Variants in TENM2 observed in about 807,000 individuals in gnomAD.
TENM2 encodes teneurin-2.
A neutral mutation model predicts 245.2 loss-of-function variants in TENM2; 52 were observed. That is an observed-to-expected ratio of 0.21 (90% CI 0.17 to 0.27). The LOEUF is 0.27. TENM2 is among the 10% of genes least tolerant of loss of function. The probability of loss-of-function intolerance (pLI) is 1.00; values close to 1 mark genes in which losing one functional copy is unlikely to be tolerated. For missense variants in TENM2, 3,046 were observed against 3,666.8 expected (o/e 0.83, Z 4.37); for synonymous variants, 1,363 against 1,438.9 (o/e 0.95, Z 1.19).
intron 4 of TENM2, among the ~76,000 whole-genome samples, chr5:167,991,674 T>C (rs1031845247): frequency 6.6e-6 from 1 of 152,228 alleles, no homozygotes. Context: ...ACCACAGCTC[T>C]GGCTAACACG....
intron 25 of TENM2, among the ~76,000 whole-genome samples, chr5:168,237,914 G>A (rs187396445): frequency 1.5e-4 from 22 of 151,606 alleles, no homozygotes; most frequent in Admixed American, 4.6e-4. Context: ...AGGCCAAGGC[G>A]GGCAGATCAC....
At chr5:167,300,410 G>A (rs1433457194) in intron 1 of TENM2, among the ~76,000 whole-genome samples, 1 of 152,104 alleles carries the variant, frequency 6.6e-6, no homozygotes, top group Non-Finnish European at 1.5e-5. Flanking sequence ...GTAGAGGGAG[G>A]TATTGAGGAT....
chr5:167,456,180 C>T (rs1426364883), intron 2 of TENM2, among the ~76,000 whole-genome samples: 2 of 152,102 alleles, frequency 1.3e-5, no homozygotes, highest in East Asian at 1.9e-4. Context: ...GAACAGGACA[C>T]ATCCTTGGAA....
chr5:168,107,525 C>T (rs10067987), intron 9 of TENM2, among the ~76,000 whole-genome samples: 33,417 of 148,626 alleles, frequency 0.22, 3,935 homozygotes, highest in Non-Finnish European at 0.24. Context: ...TGGTGTGCAG[C>T]TCAGGAAGAC....
chr5:167,073,505 A>G, the TENM2 span, among the ~76,000 whole-genome samples: 2 of 152,146 alleles, frequency 1.3e-5, no homozygotes, highest in African/African-American at 2.4e-5. Context: ...GGACAAAAGT[A>G]ATTTGTACTG....
chr5:167,908,420 T>C (rs1776276734), intron 3 of TENM2, among the ~76,000 whole-genome samples: 1 of 83,334 alleles, frequency 1.2e-5, no homozygotes, highest in African/African-American at 4.9e-5. Context: ...TACCCTCTCT[T>C]CTCCTCTCTC....
chr5:167,375,556 C>G (rs1252742942), intron 2 of TENM2, 83 bp downstream of exon 4: 1 of 1,382,190 alleles, frequency 7.2e-7, no homozygotes, highest in Non-Finnish European at 9.9e-7. Context: ...TTTAATGAAG[C>G]GGCGTCATAA....
intron 2 of TENM2, among the ~76,000 whole-genome samples, chr5:167,562,288 G>A (rs1254766370): frequency 1.3e-5 from 2 of 152,000 alleles, no homozygotes; most frequent in African/African-American, 4.8e-5. Flanking sequence ...CCACACAAGA[G>A]AATCTAGTTG....
chr5:167,696,916 A>C (rs550437887), intron 2 of TENM2, among the ~76,000 whole-genome samples: 2 of 152,090 alleles, frequency 1.3e-5, no homozygotes, highest in African/African-American at 4.8e-5. Flanking sequence ...TTGCTTAAAA[A>C]CCTCAAGAAG....
intron 5 of TENM2, chr5:168,033,165 A>G (rs1418627459): frequency 6.6e-6 from 1 of 152,228 alleles, no homozygotes; most frequent in Non-Finnish European, 1.5e-5. Flanking sequence ...GTCTACTATA[A>G]GTCTTTGTCC....
intron 25 of TENM2, among the ~76,000 whole-genome samples, chr5:168,241,278 C>T (rs1210286531): frequency 6.6e-6 from 1 of 150,578 alleles, no homozygotes; most frequent in Non-Finnish European, 1.5e-5. Context: ...TTTTTTGAAA[C>T]AGAGTCTCAC....
chr5:167,909,910 CTTT>C (rs34812394), intron 3 of TENM2, among the ~76,000 whole-genome samples: 3 of 134,792 alleles, frequency 2.2e-5, no homozygotes, highest in Non-Finnish European at 1.6e-5. Flanking sequence ...GTGAGTAAGG[CTTT>C]TTTTTTTTTT....
chr5:167,522,905 C>T (rs917203146), intron 2 of TENM2, among the ~76,000 whole-genome samples: 7 of 151,272 alleles, frequency 4.6e-5, no homozygotes, highest in African/African-American at 1.2e-4. Flanking sequence ...AATGAATTAT[C>T]GTAAACCAGC....
At chr5:167,361,957 T>C (rs536932899) in intron 1 of TENM2, among the ~76,000 whole-genome samples, 38 of 152,192 alleles carry the variant, frequency 2.5e-4, no homozygotes, top group Non-Finnish European at 4.9e-4. Context: ...GGTGTAGTAT[T>C]TCAGCTGTGA....
chr5:167,054,302 G>A, the TENM2 span, among the ~76,000 whole-genome samples: 1 of 152,170 alleles, frequency 6.6e-6, no homozygotes, highest in Admixed American at 6.6e-5. Flanking sequence ...TGCTGTTAAA[G>A]ATGGGTTTCT....
intron 3 of TENM2, among the ~76,000 whole-genome samples, chr5:167,910,473 T>C (rs1776459035): frequency 6.6e-6 from 1 of 152,110 alleles, no homozygotes; most frequent in African/African-American, 2.4e-5. Context: ...AATAAAGTCA[T>C]GCAAAGTAGG....
chr5:167,340,110 A>G (rs954634636), intron 1 of TENM2, among the ~76,000 whole-genome samples: 4 of 152,216 alleles, frequency 2.6e-5, no homozygotes, highest in Non-Finnish European at 4.4e-5. Flanking sequence ...ACACTGGAAC[A>G]CAGATCAGCC....
the TENM2 span, among the ~76,000 whole-genome samples, chr5:166,994,155 G>C: frequency 2.0e-5 from 3 of 152,060 alleles, no homozygotes; most frequent in African/African-American, 7.2e-5. Flanking sequence ...TTTATCACTC[G>C]CTTCCAGATC....
the TENM2 span, among the ~76,000 whole-genome samples, chr5:167,180,041 G>C: frequency 6.6e-6 from 1 of 151,258 alleles, no homozygotes; most frequent in Non-Finnish European, 1.5e-5. Flanking sequence ...GTTTGACCTG[G>C]TCCTTTGGCT....
Sources: allele counts gnomAD v4.1 joint callset (sites outside exome capture counted in the v4.1 genomes callset), GRCh38; gene constraint gnomAD v4.1.1; transcripts MANE v1.5; gene names NCBI Gene and HGNC (gene_info 2026-07-23, HGNC 2026-07-21).